OASL: variants seen among roughly 807,000 people sequenced by gnomAD.
OASL encodes 2'-5'-oligoadenylate synthetase like, also known as 2'-5'-oligoadenylate synthase-like protein.
Under a neutral mutation model 35.3 loss-of-function variants are expected in OASL, and 28 were observed. That is an observed-to-expected ratio of 0.79 (90% CI 0.59 to 1.09). The LOEUF (loss-of-function observed/expected upper bound fraction) is 1.09. Ranked by LOEUF, OASL falls within the 50% of genes least tolerant of loss-of-function variation. The probability of loss-of-function intolerance (pLI) is 0.00; values close to 1 mark genes in which losing one functional copy is unlikely to be tolerated. For missense variants in OASL, 620 were observed against 635.2 expected (o/e 0.98, Z 0.26); for synonymous variants, 252 against 254.6 (o/e 0.99, Z 0.10).
chr12:121,037,498 C>A (rs1385935757), intron 1 of OASL, among the ~76,000 whole-genome samples: 2 of 152,102 alleles, frequency 1.3e-5, no homozygotes, highest in African/African-American at 4.8e-5. Context: ...TCATTTTAGG[C>A]CGAGTGCAGT....
exon 1 of OASL, chr12:121,039,231 G>C: frequency 1.9e-6 from 1 of 513,812 alleles, no homozygotes; most frequent in South Asian, 2.5e-5. Context: ...TAACAGGCTG[G>C]CCGTCTAGTC....
rs1012151810 is a variant in OASL at position 121,027,774 on chromosome 12, T to C, written c.701A>G (p.Tyr234Cys). 9.9e-6 allele frequency: 16 copies of C among 1,613,932 alleles called. No individual in the cohort carries two copies. The highest frequency in any genetic ancestry group is 3.3e-5 in the Admixed American group (2 of 59,974). The stretch of plus-strand genomic sequence containing the variant: ...ATAGATGGTTAGAAGTTCAAGAGCA[T>C]AGAGAGGGGGCAGATTGGCTCTGGG... Residue 234 changes from tyrosine to cysteine, a missense_variant, in exon 4 of 6, where the codon TAT (tyrosine) becomes TGT (cysteine). Transcript: ENST00000257570.
intron 3 of OASL, among the ~76,000 whole-genome samples, chr12:121,029,612 C>T (rs1454484149): frequency 2.6e-5 from 4 of 151,970 alleles, no homozygotes; most frequent in Admixed American, 6.6e-5. Context: ...GGCATGAACC[C>T]GGGAGGCGGA....
At chr12:121,038,849 C>T (rs377444845) in exon 1 of OASL, 2 of 1,614,052 alleles carry the variant, frequency 1.2e-6, no homozygotes, top group African/African-American at 1.3e-5. Context: ...TCAGAAACTC[C>T]TCCACGGTCC....
chr12:121,031,507 A>G, exon 3 of OASL: 2 of 1,613,988 alleles, frequency 1.2e-6, no homozygotes, highest in South Asian at 1.1e-5. Context: ...TGTTTCACGA[A>G]ATTTCTCTGC....
chr12:121,036,991 C>T lies in OASL; in HGVS notation c.198+1783G>A, dbSNP rs140322340. 2.6e-5 allele frequency among the ~76,000 whole-genome samples: 4 copies of T among 152,174 alleles called. No individual in the cohort carries two copies. In the South Asian group the frequency reaches 8.3e-4, roughly 32 times the overall value. ...ACCACACAGCTGGTAAAGGAAGAAG[C>T]GAAGAGTCTGTCTAATATCAAAATT... On this transcript the variant is annotated intron_variant, in intron 1 of 5. Transcript: ENST00000257570.
chr12:121,035,920 C>T (rs375657477), intron 1 of OASL, among the ~76,000 whole-genome samples: 3 of 152,126 alleles, frequency 2.0e-5, no homozygotes, highest in African/African-American at 4.8e-5. Flanking sequence ...TGCAATGGCA[C>T]GATCTTCACT....
chr12:121,028,951 G>C (rs1869614089), intron 3 of OASL, among the ~76,000 whole-genome samples: 1 of 151,252 alleles, frequency 6.6e-6, no homozygotes, highest in Non-Finnish European at 1.5e-5. Context: ...TGTAATCCCA[G>C]CTACTTGGGA....
At chr12:121,023,291 T>TC (rs556347534) in intron 5 of OASL, among the ~76,000 whole-genome samples, 12,636 of 139,298 alleles carry the variant, frequency 0.091, 1,042 homozygotes, top group Admixed American at 0.24. Context: ...TTTTTTCTTT[T>TC]TTTCTTTTTT....
Position 121,023,389 on chromosome 12 carries a change from A to G in OASL, c.1047+601T>C, listed in dbSNP as rs370894513. On this transcript the variant is annotated intron_variant, in intron 5 of 5. Coordinates refer to ENST00000257570, the Ensembl canonical transcript of OASL. ...CTGCAGCCCCCAGCTCCCGGGTTCAAGCGATTCACCTGCCTCTGCCTCCGG... is the reference window on the plus strand; with the variant it reads ...CTGCAGCCCCCAGCTCCCGGGTTCAGGCGATTCACCTGCCTCTGCCTCCGG... 3.8e-4 allele frequency among the ~76,000 whole-genome samples: 57 copies of G among 151,096 alleles called. No homozygotes were observed. The South Asian group carries it at 8.8e-3, about 23-fold the overall frequency.
exon 5 of OASL, chr12:121,024,095 T>C: frequency 6.2e-7 from 1 of 1,614,122 alleles, no homozygotes. Flanking sequence ...TGTACCCTTC[T>C]GCCACGTTGA....
intron 4 of OASL, among the ~76,000 whole-genome samples, chr12:121,026,083 G>A (rs1208292431): frequency 2.0e-5 from 3 of 152,164 alleles, no homozygotes; most frequent in Non-Finnish European, 2.9e-5. Context: ...TTGGACATGG[G>A]GATGATGGAG....
chr12:121,038,773 C>T lies in OASL; in HGVS notation c.198+1G>A, dbSNP rs140959418. On this transcript the variant is annotated splice_donor_variant, in intron 1 of 5. Transcript: ENST00000257570. LOFTEE classifies it high-confidence loss of function. ...TGGGGGCTGGAGGAGCCCAGTCTTA[C>T]CTTGACTACCTTCAGCACCCGCACA... 53 of 1,613,876 alleles carry T rather than the reference C, an allele frequency of 3.3e-5. No individual in the cohort carries two copies. Among genetic ancestry groups the T allele is most frequent in the Admixed American group, 6.7e-5 (4 of 59,996 alleles).
intron 1 of OASL, 137 bp from the exon 2 acceptor site, chr12:121,033,880 ACTTT>A: frequency 1.2e-6 from 1 of 832,648 alleles, no homozygotes; most frequent in South Asian, 1.7e-5. Context: ...TAATACCCAC[ACTTT>A]ACAGGTGAGA....
At chr12:121,023,295 C>CTTTTTTTTTT (rs143908019) in intron 5 of OASL, among the ~76,000 whole-genome samples, 1 of 135,784 alleles carries the variant, frequency 7.4e-6, no homozygotes. Context: ...TTCTTTTTTT[C>CTTTTTTTTTT]TTTTTTTTTT....
At chr12:121,035,889 G>A (rs1869934780) in intron 1 of OASL, among the ~76,000 whole-genome samples, 1 of 152,156 alleles carries the variant, frequency 6.6e-6, no homozygotes, top group Non-Finnish European at 1.5e-5. Flanking sequence ...ACAGGGTCTT[G>A]CTCTGTTGCC....
chr12:121,020,568 G>A, exon 6 of OASL: 1 of 1,600,644 alleles, frequency 6.2e-7, no homozygotes, highest in Non-Finnish European at 8.5e-7. Flanking sequence ...AAACTAACTG[G>A]CTGGAAACAG....
At chr12:121,023,449 C>T (rs1188332292) in intron 5 of OASL, among the ~76,000 whole-genome samples, 3 of 151,294 alleles carry the variant, frequency 2.0e-5, no homozygotes, top group Non-Finnish European at 4.4e-5. Context: ...CCACCACGCC[C>T]GCCTAATTTT....
chr12:121,031,510 T>G, exon 3 of OASL: 1 of 1,614,084 alleles, frequency 6.2e-7, no homozygotes, highest in South Asian at 1.1e-5. Context: ...TTCACGAAAT[T>G]TCTCTGCAGC....
Sources: gnomAD v4.1 joint callset for allele counts (sites outside exome capture counted in the v4.1 genomes callset) on GRCh38, gnomAD v4.1.1 for gene constraint, MANE v1.5 for transcripts, NCBI Gene and HGNC (gene_info 2026-07-23, HGNC 2026-07-21) for gene names.